RELN: variants seen among roughly 807,000 people sequenced by gnomAD.
RELN encodes the protein reelin.
A neutral mutation model predicts 427.6 loss-of-function variants in RELN; 108 were observed. The observed-to-expected ratio is 0.25, with a 90% CI of 0.22 to 0.30. The LOEUF (loss-of-function observed/expected upper bound fraction) is 0.30, where lower values mean the gene tolerates loss of function less well. Ranked by LOEUF, RELN falls within the 10% of genes least tolerant of loss-of-function variation. The pLI, the probability that RELN is intolerant of heterozygous loss-of-function variation, is 1.00. For missense variants in RELN, 3,715 were observed against 4,302.8 expected, an observed-to-expected ratio of 0.86 and a Z score of 3.82; for synonymous variants, 1,524 against 1,513.4, an observed-to-expected ratio of 1.01 and a Z score of -0.16.
At chr7:103,580,208 C>G (rs1190037568) in intron 28 of RELN, among the ~76,000 whole-genome samples, 13 of 152,228 alleles carry the variant, frequency 8.5e-5, no homozygotes, top group Non-Finnish European at 5.9e-5. Context: ...ACTTAGAATT[C>G]TCAGTTTTCC....
chr7:103,588,555 G>A (rs549508269), intron 28 of RELN, among the ~76,000 whole-genome samples: 1 of 152,280 alleles, frequency 6.6e-6, no homozygotes, highest in South Asian at 2.1e-4. Flanking sequence ...GACACAATCA[G>A]TATGCATTAT....
chr7:103,952,478 G>A (rs1302550322), intron 1 of RELN, among the ~76,000 whole-genome samples: 1 of 151,900 alleles, frequency 6.6e-6, no homozygotes, highest in Non-Finnish European at 1.5e-5. Flanking sequence ...AAATGTTTAT[G>A]TCTCCTGATG....
At chr7:103,766,005 G>C (rs1345880886) in intron 4 of RELN, among the ~76,000 whole-genome samples, 1 of 152,208 alleles carries the variant, frequency 6.6e-6, no homozygotes, top group African/African-American at 2.4e-5. Context: ...CTATGGTCAT[G>C]TGAATCAGCT....
intron 18 of RELN, 49 bp downstream of exon 18, chr7:103,636,186 C>T: frequency 8.2e-7 from 1 of 1,214,184 alleles, no homozygotes; most frequent in Non-Finnish European, 1.2e-6. Flanking sequence ...TAACTAAATT[C>T]AACATTAGTA....
intron 50 of RELN, chr7:103,513,293 CAGAT>C (rs1233323793): frequency 2.0e-5 from 3 of 152,138 alleles, no homozygotes; most frequent in Non-Finnish European, 4.4e-5. Context: ...TTTTGCAAGA[CAGAT>C]AGGAGCCAGA....
At chr7:103,487,709 G>C (rs943526773) in intron 60 of RELN, among the ~76,000 whole-genome samples, 1 of 152,172 alleles carries the variant, frequency 6.6e-6, no homozygotes, top group African/African-American at 2.4e-5. Context: ...TGGTATGAGA[G>C]GCCTATCTAA....
At chr7:103,879,296 C>G (rs1794553706) in intron 2 of RELN, among the ~76,000 whole-genome samples, 1 of 152,148 alleles carries the variant, frequency 6.6e-6, no homozygotes, top group Admixed American at 6.6e-5. Context: ...AGCACAATAC[C>G]TGAAACAAGT....
Position 103,652,555 on chromosome 7 carries a change from T to C in RELN, c.1759A>G (p.Asn587Asp), listed in dbSNP as rs1051169273. Reference sequence around the variant, plus strand: ...TTACAAAATAGGGCTTCCTACCTGTTACCAGGCTGATGCGTTCCACATCCC... The same window carrying C: ...TTACAAAATAGGGCTTCCTACCTGTCACCAGGCTGATGCGTTCCACATCCC... Reference protein sequence around the residue: ...NLGCGTHQPGNSVSLEFSTNH... With the variant: ...NLGCGTHQPGDSVSLEFSTNH... Residue 587 changes from asparagine (N) to aspartate (D), a missense_variant, in exon 14 of 65, where the codon AAC becomes GAC. Physicochemically the swap from Asn to Asp is conservative, Grantham distance 23. Transcript: ENST00000428762. 1.9e-6 allele frequency: 3 copies of C among 1,612,222 alleles called. No individual in the cohort carries two copies. Among genetic ancestry groups the C allele is most frequent in the Non-Finnish European group, 2.5e-6 (3 of 1,178,848 alleles).
chr7:103,486,562 A>G, intron 60 of RELN, 146 bp from the exon 61 acceptor site: 2 of 698,682 alleles, frequency 2.9e-6, no homozygotes. Flanking sequence ...ACAAAAAAAA[A>G]AAAGCCAAAC....
intron 64 of RELN, among the ~76,000 whole-genome samples, chr7:103,474,527 T>G (rs1200243805): frequency 2.0e-5 from 3 of 152,196 alleles, no homozygotes; most frequent in Non-Finnish European, 4.4e-5. Flanking sequence ...TTGATCAGTT[T>G]CAGTGTCACA....
intron 8 of RELN, among the ~76,000 whole-genome samples, chr7:103,715,249 A>G (rs1290634778): frequency 6.6e-6 from 1 of 152,238 alleles, no homozygotes; most frequent in East Asian, 1.9e-4. Context: ...GAGGTCAAAT[A>G]AAGTAGAAAA....
chr7:103,505,739 T>G (rs1252540427), intron 51 of RELN, among the ~76,000 whole-genome samples: 1 of 152,180 alleles, frequency 6.6e-6, no homozygotes, highest in African/African-American at 2.4e-5. Flanking sequence ...AGAATGAGTT[T>G]GGCAAATTGA....
At chr7:103,526,778 T>C (rs1829831254) in intron 46 of RELN, among the ~76,000 whole-genome samples, 2 of 152,028 alleles carry the variant, frequency 1.3e-5, no homozygotes, top group South Asian at 4.2e-4. Flanking sequence ...CACAAGGGTG[T>C]TGTGAAAATT....
At chr7:103,867,615 A>G (rs934075906) in intron 2 of RELN, among the ~76,000 whole-genome samples, 1 of 152,028 alleles carries the variant, frequency 6.6e-6, no homozygotes, top group African/African-American at 2.4e-5. Context: ...ATTGAAATAA[A>G]CCCAAATTAA....
intron 2 of RELN, among the ~76,000 whole-genome samples, chr7:103,903,296 C>A (rs1464342669): frequency 1.3e-5 from 2 of 148,260 alleles, no homozygotes; most frequent in African/African-American, 5.0e-5. Flanking sequence ...TTCCTCAATT[C>A]GTATTTAAGA....
chr7:103,689,861 T>C lies in RELN; in HGVS notation c.1144-7600A>G, dbSNP rs144908585. The stretch of plus-strand genomic sequence containing the variant: ...ACGCTCTGAAAACTTACATCTAATG[T>C]TTTTCTTTCAACTTAAAATTAAGAA... On this transcript the variant is annotated intron_variant, in intron 10 of 64. Transcript: ENST00000428762. Among the ~76,000 whole-genome samples, 1,165 of 152,220 alleles carry C rather than the reference T, an allele frequency of 7.7e-3. 13 individuals are homozygous for C. Among genetic ancestry groups the C allele is most frequent in the Middle Eastern group, 0.044 (13 of 294 alleles).
At chr7:103,864,354 C>T (rs567817974) in intron 2 of RELN, among the ~76,000 whole-genome samples, 56 of 152,144 alleles carry the variant, frequency 3.7e-4, no homozygotes, top group Admixed American at 4.6e-4. Flanking sequence ...CAGTGCAGTG[C>T]TGTTAACTGC....
intron 10 of RELN, among the ~76,000 whole-genome samples, chr7:103,689,434 T>C (rs1833828762): frequency 6.6e-6 from 1 of 152,138 alleles, no homozygotes; most frequent in Non-Finnish European, 1.5e-5. Context: ...CCACGATAGC[T>C]GAGCAGATAT....
At chr7:103,511,244 TG>T (rs1192585229) in intron 50 of RELN, among the ~76,000 whole-genome samples, 2 of 151,952 alleles carry the variant, frequency 1.3e-5, no homozygotes, top group African/African-American at 4.8e-5. Flanking sequence ...AGTCTACACA[TG>T]AAAAAAAGTA....
Sources: gnomAD v4.1 joint callset for allele counts (sites outside exome capture counted in the v4.1 genomes callset) on GRCh38, gnomAD v4.1.1 for gene constraint, MANE v1.5 for transcripts, NCBI Gene and HGNC (gene_info 2026-07-23, HGNC 2026-07-21) for gene names.